Variants in INTS1 observed in about 807,000 individuals in gnomAD.
The protein encoded by INTS1 is integrator complex subunit 1.
In INTS1, 137 loss-of-function variants were observed where a neutral mutation model predicts 241.6. That is an observed-to-expected ratio of 0.57 (90% confidence interval 0.49 to 0.65). The LOEUF is 0.65. INTS1 is among the 30% of genes least tolerant of loss of function. The pLI, the probability that INTS1 is intolerant of heterozygous loss-of-function variation, is 0.00. For missense variants in INTS1, 3,073 were observed against 3,032.2 expected, an observed-to-expected ratio of 1.01 and a Z score of -0.32; for synonymous variants, 1,692 against 1,337.8, an observed-to-expected ratio of 1.26 and a Z score of -5.78.
In INTS1 at chr7:1,481,541, C is replaced by T. The variant is rs531323172; in HGVS notation, c.3704-53G>A. 1.4e-5 allele frequency: 22 copies of T among 1,546,010 alleles called. No individual in the cohort carries two copies. Among genetic ancestry groups the T allele is most frequent in the South Asian group, 8.5e-5 (7 of 82,444 alleles). On this transcript the variant is annotated intron_variant, in intron 27 of 47. Transcript: ENST00000404767. This position sits in a 1 kb window ranked among gnomAD's most constrained non-coding sequence, Gnocchi z 6.8. Reference sequence around the variant, plus strand: ...ACCCAAAACCCGGGCAATGCGCACTCGGGACCCCACCCGAGACCTGGGGCT... The same window carrying T: ...ACCCAAAACCCGGGCAATGCGCACTTGGGACCCCACCCGAGACCTGGGGCT...
In INTS1 at chr7:1,476,396, C is replaced by T; in HGVS notation, c.5211G>A (p.Glu1737=). The T allele has an allele frequency of 6.3e-7, 1 of 1,576,676 alleles. No homozygotes were observed. Among genetic ancestry groups the T allele is most frequent in the Non-Finnish European group, 8.6e-7 (1 of 1,166,860 alleles). The change falls in exon 38 of 48, where the codon GAG becomes GAA. Residue 1737 remains glutamate, a synonymous_variant. Coordinates refer to ENST00000404767, the MANE Select transcript of INTS1 (RefSeq NM_001080453.3). ...GCGTCTCCGCCTCGGCCAGGATCAG[C>T]TCCACCAGGCTGATGAGCTCCGGGC... ...VQGPELISLV[E]LILAEAETRS...
chr7:1,484,666 C>A (rs781063778), intron 24 of INTS1, among the ~76,000 whole-genome samples: 1 of 152,210 alleles, frequency 6.6e-6, no homozygotes, highest in Non-Finnish European at 1.5e-5. Context: ...ACCCTCCTGG[C>A]GTCGGGGAGA....
At chr7:1,488,264 C>T (rs563878076) in intron 18 of INTS1, among the ~76,000 whole-genome samples, 8 of 152,206 alleles carry the variant, frequency 5.3e-5, no homozygotes, top group Non-Finnish European at 2.9e-5. Context: ...TCCCCTTCCA[C>T]GCCACCTACG....
chr7:1,493,746 A>G lies in INTS1; in HGVS notation c.2068+8T>C, dbSNP rs1782706704. The G allele has an allele frequency of 2.5e-6, 4 of 1,572,766 alleles. No homozygotes were observed. The Admixed American group carries it at 5.6e-5, about 22-fold the overall frequency. On this transcript the variant is annotated splice_region_variant and intron_variant, in intron 15 of 47. Coordinates refer to ENST00000404767, the MANE Select transcript of INTS1 (RefSeq NM_001080453.3). This position sits in a 1 kb window ranked among gnomAD's most constrained non-coding sequence, Gnocchi z 5.3. ...CAGCACAGGCGCCATCCCCTGCAGA[A>G]GCCATACCATCCGCCTGCACGGCAG...
intron 6 of INTS1, 41 bp from the exon 7 acceptor site, chr7:1,499,401 C>G: frequency 1.3e-6 from 2 of 1,536,834 alleles, no homozygotes; most frequent in Non-Finnish European, 1.8e-6. Context: ...GCCTCCCACC[C>G]GCCCATCCTC....
chr7:1,472,025 C>T (rs1046611272), intron 44 of INTS1, among the ~76,000 whole-genome samples: 5 of 152,346 alleles, frequency 3.3e-5, no homozygotes, highest in East Asian at 1.9e-4. Context: ...CCCCCACCAC[C>T]TTAGGGGGCT....
intron 40 of INTS1, 135 bp downstream of exon 40, chr7:1,474,570 C>G (rs1187743792): frequency 2.3e-6 from 3 of 1,304,654 alleles, no homozygotes; most frequent in Non-Finnish European, 3.1e-6. Flanking sequence ...TGACTTCCCC[C>G]GGTCAAGCTC....
At chr7:1,477,436 G>A (rs1315667285) in intron 35 of INTS1, 114 bp downstream of exon 35, 33 of 1,198,090 alleles carry the variant, frequency 2.8e-5, no homozygotes, top group Non-Finnish European at 3.6e-5. Context: ...CCTGAGAGCA[G>A]GGGGGGTGCT....
rs1034472331 is a variant in INTS1, at chr7:1,501,815, A to G, written c.349+1086T>C. 7.2e-5 allele frequency among the ~76,000 whole-genome samples: 11 copies of G among 152,128 alleles called. No individual in the cohort carries two copies. The East Asian group carries it at 2.1e-3, about 29-fold the overall frequency. ...CTCCCTGATGCCAACTGAGTCCAGC[A>G]CAAACACTGCCCACAGCGCCCAGCC... On this transcript the variant is annotated intron_variant, in intron 3 of 47. Coordinates refer to ENST00000404767, the MANE Select transcript of INTS1 (RefSeq NM_001080453.3).
At chr7:1,489,729 G>C in intron 16 of INTS1, 47 bp from the exon 17 acceptor site, 1 of 1,365,030 alleles carries the variant, frequency 7.3e-7, no homozygotes, top group Non-Finnish European at 9.9e-7. Context: ...ACCAAGCTCA[G>C]CGCCAAGGAT....
At chr7:1,484,320 A>G (rs11972722) in intron 24 of INTS1, 150 bp from the exon 25 acceptor site, 360,630 of 776,444 alleles carry the variant, frequency 0.46, 90,510 homozygotes, top group African/African-American at 0.76. Flanking sequence ...GCCGCCAGGG[A>G]AGACGACCAG....
chr7:1,474,170 G>A lies in INTS1; in HGVS notation c.5827C>T (p.Leu1943=), dbSNP rs540601876. The change falls in exon 41 of 48, where the codon CTG becomes TTG. Residue 1943 remains leucine, a splice_region_variant and synonymous_variant. Coordinates refer to ENST00000404767, the MANE Select transcript of INTS1 (RefSeq NM_001080453.3). ...GGGCGGGCGGCGGGAGCACACACCA[G>A]CAGCAGGCGGATGAAGGACAGAAGG... ...DCLLSFIRLL[L]NYRKSSRHLA... 1.2e-3 allele frequency: 1,842 copies of A among 1,566,318 alleles called. 41 individuals are homozygous for A. In the South Asian group the frequency reaches 0.02, roughly 17 times the overall value.
rs531989272 is a variant in INTS1, at chr7:1,487,738, C to T, written c.2516+22G>A. ...ACAGGTCCCGACGGCAGGCGCAGGG[C>T]GGGGCTGTGTGGGCTGCGTACTGGG... On this transcript the variant is annotated intron_variant, in intron 19 of 47. Coordinates refer to ENST00000404767, the MANE Select transcript of INTS1 (RefSeq NM_001080453.3). The T allele has an allele frequency of 3.2e-5, 52 of 1,603,416 alleles. No homozygotes were observed. The African/African-American group carries it at 4.8e-4, about 15-fold the overall frequency.
chr7:1,484,516 G>C (rs531400756), intron 24 of INTS1, among the ~76,000 whole-genome samples: 4 of 152,342 alleles, frequency 2.6e-5, no homozygotes, highest in African/African-American at 9.6e-5. Flanking sequence ...GTGGACAAGA[G>C]AACCGTGATG....
rs770236466 is a variant in INTS1, at chr7:1,486,976, G to A, written c.2772C>T (p.Ser924=). 13 of 1,608,010 alleles carry A rather than the reference G, an allele frequency of 8.1e-6. No individual in the cohort carries two copies. Among genetic ancestry groups the A allele is most frequent in the South Asian group, 3.3e-5 (3 of 90,854 alleles). The part of the protein sequence containing the change: ...LLHDAVDDAA[S]GEEDDEGESK... ...TCTCGCCCTCGTCGTCCTCCTCCCCGGAAGCAGCATCGTCCACAGCATCGT... is the reference window on the plus strand; with the variant it reads ...TCTCGCCCTCGTCGTCCTCCTCCCCAGAAGCAGCATCGTCCACAGCATCGT... Residue 924 remains serine, a synonymous_variant, in exon 21 of 48, where the codon TCC becomes TCT. Transcript: ENST00000404767.
At chr7:1,494,288 C>G (rs560678341) in intron 14 of INTS1, among the ~76,000 whole-genome samples, 1 of 152,210 alleles carries the variant, frequency 6.6e-6, no homozygotes, top group African/African-American at 2.4e-5. Context: ...AAAGCCTGAC[C>G]GGAAGGCCGC....
In INTS1 at chr7:1,474,356, G is replaced by A. The variant is rs779317984; in HGVS notation, c.5641C>T (p.Leu1881=). The A allele has an allele frequency of 1.3e-6, 2 of 1,589,560 alleles. No individual in the cohort carries two copies. Among genetic ancestry groups the A allele is most frequent in the East Asian group, 2.3e-5 (1 of 44,098 alleles). ...TGCAGGAGCGCCGCGATCATGGGCAGGTGCCTGCGGGCGCGGTGAGGGCCC... is the reference window on the plus strand; with the variant it reads ...TGCAGGAGCGCCGCGATCATGGGCAAGTGCCTGCGGGCGCGGTGAGGGCCC... ...VAHPLLLLRH[L]PMIAALLHGR... is the part of the protein sequence containing the mutation. Residue 1881 remains leucine (L), a synonymous_variant, in exon 41 of 48, where the codon CTG becomes TTG. Coordinates refer to ENST00000404767, the MANE Select transcript of INTS1 (RefSeq NM_001080453.3).
At chr7:1,496,073 A>T in intron 12 of INTS1, 83 bp downstream of exon 12, 2 of 1,043,686 alleles carry the variant, frequency 1.9e-6, no homozygotes, top group Non-Finnish European at 2.9e-6. Context: ...CTCAGGGGAC[A>T]GTGCAGCCTC....
At chr7:1,496,947 G>T (rs559097821) in intron 11 of INTS1, among the ~76,000 whole-genome samples, 191 bp downstream of exon 11, 46 of 152,286 alleles carry the variant, frequency 3.0e-4, no homozygotes, top group African/African-American at 1.1e-3. Context: ...GCCCCTCATA[G>T]GTCCTCACAC....
Sources: gnomAD v4.1 joint callset for allele counts (sites outside exome capture counted in the v4.1 genomes callset) on GRCh38, gnomAD v4.1.1 for gene constraint, Gnocchi (gnomAD v3.1) non-coding constraint, MANE v1.5 for transcripts, NCBI Gene and HGNC (gene_info 2026-07-23, HGNC 2026-07-21) for gene names.